PCDHGA1: variants seen among roughly 807,000 people sequenced by gnomAD.
The protein encoded by PCDHGA1 is protocadherin gamma subfamily A, 1, also known as protocadherin gamma-A1.
In PCDHGA1, 32 loss-of-function variants were observed where a neutral mutation model predicts 58.0. The observed-to-expected ratio is 0.55, with a 90% CI of 0.42 to 0.74. PCDHGA1 has a LOEUF of 0.74. PCDHGA1 is among the 30% of genes least tolerant of loss of function. The pLI is 0.00. For missense variants in PCDHGA1, 1,205 were observed against 1,182.3 expected, an observed-to-expected ratio of 1.02 and a Z score of -0.28; for synonymous variants, 498 against 501.1, an observed-to-expected ratio of 0.99 and a Z score of 0.08.
At chr5:141,384,834 C>G (rs369584315) in intron 1 of PCDHGA1, 2 of 1,613,478 alleles carry the variant, frequency 1.2e-6, no homozygotes, top group Non-Finnish European at 1.7e-6. Flanking sequence ...TCGTGGTGGC[C>G]GTCCAGGACC....
At chr5:141,465,284 A>C (rs2099100147) in intron 1 of PCDHGA1, among the ~76,000 whole-genome samples, 1 of 152,176 alleles carries the variant, frequency 6.6e-6, no homozygotes, top group African/African-American at 2.4e-5. Flanking sequence ...TTCACCCCTA[A>C]AGAACTGAGA....
In PCDHGA1 at chr5:141,493,668, GC is replaced by G. The variant is rs1178535601; in HGVS notation, c.2422-1135del. On this transcript the variant is annotated intron_variant, in intron 1 of 3. Coordinates refer to ENST00000517417, the MANE Select transcript of PCDHGA1 (RefSeq NM_018912.3). This position sits in a 1 kb window ranked among gnomAD's most constrained non-coding sequence, Gnocchi z 4.3. ...CATCCCTGTGCCCTTCTCCATGGCAGCCCCAGAATGGTGCTGGTGACTCCCG... is the reference window on the plus strand; with the variant it reads ...CATCCCTGTGCCCTTCTCCATGGCAGCCCAGAATGGTGCTGGTGACTCCCG... Among the ~76,000 whole-genome samples the G allele has an allele frequency of 6.6e-6, 1 of 152,140 alleles. No individual in the cohort carries two copies. The highest frequency in any genetic ancestry group is 2.4e-5 in the African/African-American group (1 of 41,422).
chr5:141,385,066 C>T, intron 1 of PCDHGA1: 2 of 1,614,194 alleles, frequency 1.2e-6, no homozygotes, highest in South Asian at 1.1e-5. Context: ...GCACAAGTCA[C>T]GCCTGCTGCA....
chr5:141,415,375 G>A (rs1453832867), intron 1 of PCDHGA1: 12 of 1,614,258 alleles, frequency 7.4e-6, no homozygotes, highest in South Asian at 1.1e-5. Context: ...GGCTTCAGGA[G>A]GCGGCTTGAC....
intron 1 of PCDHGA1, chr5:141,478,169 G>A (rs2099436111): frequency 1.2e-6 from 2 of 1,613,716 alleles, no homozygotes; most frequent in Admixed American, 1.7e-5. Flanking sequence ...TGCCCCCCGG[G>A]AGCAGAAAAA....
intron 1 of PCDHGA1, among the ~76,000 whole-genome samples, chr5:141,457,155 A>G (rs1403164805): frequency 1.3e-5 from 2 of 152,216 alleles, no homozygotes; most frequent in Admixed American, 6.5e-5. Flanking sequence ...AGAAGGTGCT[A>G]CCATGGATAA....
intron 1 of PCDHGA1, chr5:141,339,676 G>T (rs1756863169): frequency 6.2e-7 from 1 of 1,614,148 alleles, no homozygotes; most frequent in Non-Finnish European, 8.5e-7. Context: ...TCCTGGATGC[G>T]AACGACAATG....
rs932721053 is a variant in PCDHGA1 at position 141,398,645 on chromosome 5, C to G, written c.2421+65540C>G. 1.3e-5 allele frequency: 21 copies of G among 1,613,938 alleles called. No homozygotes were observed. In the Admixed American group the frequency reaches 3.3e-4, roughly 26 times the overall value. The stretch of plus-strand genomic sequence containing the variant: ...AACTCTCTGCAGAAGTATAAACTCT[C>G]TCTTAACCCAAGTTTCTCATTAATA... On this transcript the variant is annotated intron_variant, in intron 1 of 3. Coordinates refer to ENST00000517417, the MANE Select transcript of PCDHGA1 (RefSeq NM_018912.3).
Position 141,333,006 on chromosome 5 carries a change from C to T in PCDHGA1, c.2322C>T (p.Asn774=). The stretch of plus-strand genomic sequence containing the variant: ...GCCACCTGATTTTCCCCCAGCCCAA[C>T]TATGCGGACACACTCATCAGCCAGG... ...RKSHLIFPQP[N]YADTLISQES... is the part of the protein sequence containing the mutation. Residue 774 remains asparagine, a synonymous_variant, in exon 1 of 4, where the codon AAC becomes AAT. Coordinates refer to ENST00000517417, the MANE Select transcript of PCDHGA1 (RefSeq NM_018912.3). 1 of 1,614,220 alleles carries T rather than the reference C, an allele frequency of 6.2e-7. No homozygotes were observed. The highest frequency in any genetic ancestry group is 8.5e-7 in the Non-Finnish European group (1 of 1,180,040).
chr5:141,410,826 G>T, intron 1 of PCDHGA1: 4 of 379,152 alleles, frequency 1.1e-5, no homozygotes, highest in Non-Finnish European at 9.0e-6. Flanking sequence ...AATGTCACCA[G>T]ACTGAAGATA....
At chr5:141,345,533 C>T (rs1283128713) in intron 1 of PCDHGA1, 3 of 1,614,176 alleles carry the variant, frequency 1.9e-6, no homozygotes, top group East Asian at 4.5e-5. Flanking sequence ...AGGGGGCGCC[C>T]CTGTCCTCCT....
rs769365088 is a variant in PCDHGA1 at position 141,333,405 on chromosome 5, A to G, written c.2421+300A>G. ...ATTAGAAACGGCGATCTAGCTTCTA[A>G]CATTTTCTTACTTGCCTCTGGGCTA... On this transcript the variant is annotated intron_variant, in intron 1 of 3. Transcript: ENST00000517417. The G allele has an allele frequency of 2.9e-5, 13 of 451,760 alleles. 1 individual carries two copies. Among genetic ancestry groups the G allele is most frequent in the Admixed American group, 2.0e-4 (4 of 19,928 alleles). 28.0% of individuals were successfully genotyped at this position (451,760 alleles called of 1,614,324 possible). A position where few individuals can be genotyped will look rare whatever the true frequency, so the allele number is the denominator to read the frequency against.
chr5:141,413,024 C>A, intron 1 of PCDHGA1: 2 of 736,250 alleles, frequency 2.7e-6, no homozygotes, highest in Non-Finnish European at 4.2e-6. Flanking sequence ...ACAAGCCCCA[C>A]AAACCGGCTG....
Position 141,409,574 on chromosome 5 carries a change from G to C in PCDHGA1, c.2421+76469G>C, listed in dbSNP as rs752388742. ...CCCAGTTTTCGACCAGACGTCCTACGTGGTCCACGTGGCCGAGAACAACCC... is the reference window on the plus strand; with the variant it reads ...CCCAGTTTTCGACCAGACGTCCTACCTGGTCCACGTGGCCGAGAACAACCC... On this transcript the variant is annotated intron_variant, in intron 1 of 3. Coordinates refer to ENST00000517417, the MANE Select transcript of PCDHGA1 (RefSeq NM_018912.3). 32 of 1,613,902 alleles carry C rather than the reference G, an allele frequency of 2.0e-5. No individual in the cohort carries two copies. In the East Asian group the frequency reaches 6.9e-4, roughly 35 times the overall value.
intron 2 of PCDHGA1, among the ~76,000 whole-genome samples, chr5:141,505,007 C>T (rs1210694913): frequency 6.6e-6 from 1 of 152,050 alleles, no homozygotes; most frequent in Non-Finnish European, 1.5e-5. Flanking sequence ...ACTAAAAATA[C>T]AAAAATTAGC....
At chr5:141,412,935 G>T in intron 1 of PCDHGA1, 1 of 453,864 alleles carries the variant, frequency 2.2e-6, no homozygotes, top group East Asian at 3.4e-5. Flanking sequence ...AACTTCTTAG[G>T]ACTCTGAGCG....
At position 141,344,635 on chromosome 5, in the gene PCDHGA1, AC is replaced by A. The variant is rs760436130; in HGVS notation, c.2421+11532del. 4.2e-5 allele frequency: 67 copies of A among 1,613,952 alleles called. No individual in the cohort carries two copies. In the African/African-American group the frequency reaches 6.7e-4, roughly 16 times the overall value. On this transcript the variant is annotated intron_variant, in intron 1 of 3. Coordinates refer to ENST00000517417, the MANE Select transcript of PCDHGA1 (RefSeq NM_018912.3). ...GAGCTGGTGCTGGAGCGGGCCCTGG[AC>A]CGTGAGAAAAAAGAAATTCACCAGC...
intron 1 of PCDHGA1, among the ~76,000 whole-genome samples, chr5:141,471,046 CTTTT>C (rs1170588345): frequency 5.3e-5 from 6 of 113,264 alleles, no homozygotes; most frequent in Admixed American, 9.3e-5. Context: ...CCCAAGCCCT[CTTTT>C]TTTTTTTTTT....
Position 141,428,162 on chromosome 5 carries a change from G to A in PCDHGA1, c.2422-66645G>A, listed in dbSNP as rs75153946. The A allele has an allele frequency of 9.5e-4, 1,493 of 1,569,102 alleles. 9 individuals are homozygous for A. The African/African-American group carries it at 0.016, about 16-fold the overall frequency. On this transcript the variant is annotated intron_variant, in intron 1 of 3. Coordinates refer to ENST00000517417, the MANE Select transcript of PCDHGA1 (RefSeq NM_018912.3). ...GGCTGCACACGGGAACCTGCTGGTT[G>A]CTGTGCGTGACGGAGGACAGCCGCC...
Sources: allele counts gnomAD v4.1 joint callset (sites outside exome capture counted in the v4.1 genomes callset), GRCh38; gene constraint gnomAD v4.1.1; non-coding constraint Gnocchi (gnomAD v3.1); transcripts MANE v1.5; gene names NCBI Gene and HGNC (gene_info 2026-07-23, HGNC 2026-07-21).